The following AFF2 variants were observed in gnomAD, a reference collection of about 807,000 sequenced individuals.
The protein encoded by AFF2 is AF4/FMR2 family member 2.
Under a neutral mutation model 76.9 loss-of-function variants are expected in AFF2, and 14 were observed. That is an observed-to-expected ratio of 0.18 (90% CI 0.12 to 0.28). The LOEUF is 0.28. AFF2 is among the 10% of genes least tolerant of loss of function. The pLI, the probability that AFF2 is intolerant of heterozygous loss-of-function variation, is 1.00. For missense variants in AFF2, 868 were observed against 1,001.1 expected (o/e 0.87, Z 1.79); for synonymous variants, 398 against 366.7 (o/e 1.09, Z -0.98).
intron 1 of AFF2, among the ~76,000 whole-genome samples, chrX:148,506,038 C>T (rs781999646): frequency 9.1e-6 from 1 of 110,492 alleles, no homozygotes; most frequent in African/African-American, 3.3e-5. Flanking sequence ...TGAGTGTTTA[C>T]TCTGTGCCAC....
intron 3 of AFF2, among the ~76,000 whole-genome samples, chrX:148,681,583 TGAGA>T (rs67689552): frequency 3.2e-4 from 29 of 90,038 alleles, no homozygotes; most frequent in South Asian, 1.0e-3. Context: ...TGTGTGTGTG[TGAGA>T]GAGAGAGAAT....
rs192371161 is a variant in AFF2 at position 148,967,619 on chromosome X, G to C, written c.3204-10G>C. 75 of 1,201,537 alleles carry C rather than the reference G, an allele frequency of 6.2e-5. No homozygotes were observed. In the African/African-American group the frequency reaches 9.8e-4, roughly 16 times the overall value. ...ATTGGTTTCTGAAAGAGCTTGTTTT[G>C]TTTATTTAGGGTTCACAATGCTGAT... On this transcript the variant is annotated splice_polypyrimidine_tract_variant and intron_variant, in intron 14 of 20. Transcript: ENST00000370460.
At chrX:148,762,480 A>ATGTGTG (rs144985699) in intron 3 of AFF2, among the ~76,000 whole-genome samples, 46,676 of 92,111 alleles carry the variant, frequency 0.51, 9,291 homozygotes, top group East Asian at 0.83. Context: ...ACATATGTAT[A>ATGTGTG]TGTGTGTGTG....
At chrX:148,886,310 G>C (rs2071159543) in intron 8 of AFF2, among the ~76,000 whole-genome samples, 1 of 111,245 alleles carries the variant, frequency 9.0e-6, no homozygotes, top group African/African-American at 3.3e-5. Context: ...ATTGTCTTGG[G>C]TGAGGTATAA....
rs781869744 is a variant in AFF2 at position 148,662,044 on chromosome X, C to G, written c.317C>G (p.Pro106Arg). 3 of 1,208,938 alleles carry G rather than the reference C, an allele frequency of 2.5e-6. No individual in the cohort carries two copies. The African/African-American group carries it at 5.3e-5, about 21-fold the overall frequency. The stretch of plus-strand genomic sequence containing the variant: ...CCAAAGAATTCTGTGCCCCAGAATC[C>G]CAACAACAAAAATGAACCAAGCTTT... ...GIPKNSVPQN[P>R]NNKNEPSFFP... Residue 106 changes from proline to arginine, a missense_variant, in exon 3 of 21, where the codon CCC (proline) becomes CGC (arginine). By Grantham distance (103) the Pro-to-Arg change is moderately radical. This residue lies in a region of AFF2 where 196 missense variants were observed against 194.8 expected (regional missense o/e 1.01). Transcript: ENST00000370460.
At chrX:148,952,993 G>A (rs2071987794) in intron 9 of AFF2, among the ~76,000 whole-genome samples, 1 of 110,953 alleles carries the variant, frequency 9.0e-6, no homozygotes, top group Non-Finnish European at 1.9e-5. Flanking sequence ...GAAGGAGCTG[G>A]GGGGCCAGGG....
chrX:148,951,024 T>C (rs2071959870), intron 9 of AFF2, among the ~76,000 whole-genome samples: 1 of 111,682 alleles, frequency 9.0e-6, no homozygotes, highest in Non-Finnish European at 1.9e-5. Flanking sequence ...TATTAAGGGG[T>C]GCTTATCCAG....
intron 3 of AFF2, among the ~76,000 whole-genome samples, chrX:148,786,967 C>T (rs2069829208): frequency 1.8e-5 from 2 of 111,741 alleles, no homozygotes; most frequent in South Asian, 3.8e-4. Context: ...TGAGGCTCCT[C>T]ATTCCTACCT....
chrX:148,542,277 A>G (rs1557237619), intron 1 of AFF2, among the ~76,000 whole-genome samples: 1 of 108,005 alleles, frequency 9.3e-6, no homozygotes, highest in Non-Finnish European at 1.9e-5. Flanking sequence ...GAGTGTTCTT[A>G]AAGACACAAG....
At chrX:148,930,057 G>T (rs2071694920) in intron 9 of AFF2, among the ~76,000 whole-genome samples, 1 of 111,722 alleles carries the variant, frequency 9.0e-6, no homozygotes. Flanking sequence ...AGAGCATCAT[G>T]ATTTTTACCG....
chrX:148,782,773 C>T (rs1367802199), intron 3 of AFF2, among the ~76,000 whole-genome samples: 2 of 111,348 alleles, frequency 1.8e-5, no homozygotes, highest in African/African-American at 6.5e-5. Context: ...TGTAGTTATA[C>T]GTGGGTCAAG....
At chrX:148,813,151 C>T (rs1457825024) in intron 4 of AFF2, among the ~76,000 whole-genome samples, 1 of 112,133 alleles carries the variant, frequency 8.9e-6, no homozygotes, top group Non-Finnish European at 1.9e-5. Flanking sequence ...TTCATGAAAT[C>T]GAAGTCCAGA....
At chrX:148,937,821 T>C (rs1557285180) in intron 9 of AFF2, among the ~76,000 whole-genome samples, 1 of 112,309 alleles carries the variant, frequency 8.9e-6, no homozygotes, top group African/African-American at 3.2e-5. Context: ...GTTATGTCTT[T>C]CATAATTGGA....
At chrX:148,912,271 G>A (rs2071478414) in intron 9 of AFF2, among the ~76,000 whole-genome samples, 1 of 112,134 alleles carries the variant, frequency 8.9e-6, no homozygotes, top group Admixed American at 9.4e-5. Context: ...CATCCTCTAG[G>A]TTCCCTCCCC....
chrX:148,720,017 C>G (rs782679557), intron 3 of AFF2, among the ~76,000 whole-genome samples: 52 of 111,172 alleles, frequency 4.7e-4, no homozygotes, highest in African/African-American at 1.7e-3. Flanking sequence ...CTTCCATTCC[C>G]CCAACTCTAC....
intron 3 of AFF2, among the ~76,000 whole-genome samples, chrX:148,671,371 A>C (rs1193643492): frequency 8.9e-6 from 1 of 112,170 alleles, no homozygotes; most frequent in Non-Finnish European, 1.9e-5. Flanking sequence ...AAAGTGTGAA[A>C]TATTGCAAAG....
intron 8 of AFF2, among the ~76,000 whole-genome samples, chrX:148,896,423 A>G (rs2071285011): frequency 8.9e-6 from 1 of 111,948 alleles, no homozygotes; most frequent in African/African-American, 3.3e-5. Context: ...ATGAAGGAGA[A>G]GACATCTAAA....
intron 1 of AFF2, among the ~76,000 whole-genome samples, chrX:148,526,073 C>T (rs1293263842): frequency 1.8e-5 from 2 of 111,303 alleles, no homozygotes; most frequent in Non-Finnish European, 3.8e-5. Context: ...AGTGATCTTC[C>T]GTGAGCAAGA....
At chrX:148,913,370 G>C (rs1196493554) in intron 9 of AFF2, among the ~76,000 whole-genome samples, 1 of 112,316 alleles carries the variant, frequency 8.9e-6, no homozygotes, top group Non-Finnish European at 1.9e-5. Flanking sequence ...CACCAAATGT[G>C]TCAAAAATTA....
Sources: gnomAD v4.1 joint callset for allele counts (sites outside exome capture counted in the v4.1 genomes callset) on GRCh38, gnomAD v4.1.1 for gene constraint, gnomAD v4.1.1 regional missense constraint, MANE v1.5 for transcripts, NCBI Gene and HGNC (gene_info 2026-07-23, HGNC 2026-07-21) for gene names.